The following ATP2C2 variants were observed in gnomAD, a reference collection of about 807,000 sequenced individuals.
ATP2C2 encodes calcium-transporting ATPase type 2C member 2.
Under a neutral mutation model 110.8 loss-of-function variants are expected in ATP2C2, and 171 were observed. The observed-to-expected ratio is 1.54, with a 90% CI of 1.36 to 1.75. The LOEUF (loss-of-function observed/expected upper bound fraction) is 1.75. Ranked by LOEUF, ATP2C2 falls within the 40% of genes most tolerant of loss-of-function variation. ATP2C2 has a pLI of 0.00. For missense variants in ATP2C2, 1,963 were observed against 1,235.0 expected (o/e 1.59, Z -8.84); for synonymous variants, 804 against 508.4 (o/e 1.58, Z -7.82).
At chr16:84,441,171 G>GC (rs1361611031) in intron 14 of ATP2C2, among the ~76,000 whole-genome samples, 1 of 152,200 alleles carries the variant, frequency 6.6e-6, no homozygotes, top group Non-Finnish European at 1.5e-5. Context: ...AGTGGCTAAT[G>GC]CCCGTTATCC....
intron 7 of ATP2C2, among the ~76,000 whole-genome samples, chr16:84,416,823 C>T (rs1246401971): frequency 1.3e-5 from 2 of 152,148 alleles, no homozygotes; most frequent in African/African-American, 2.4e-5. Context: ...TGCATGGATC[C>T]GGTCAGAGGA....
intron 1 of ATP2C2, among the ~76,000 whole-genome samples, chr16:84,390,302 G>C (rs991066554): frequency 6.6e-6 from 1 of 152,220 alleles, no homozygotes; most frequent in South Asian, 2.1e-4. Flanking sequence ...CCTTGCTCTG[G>C]AGTGAGCTCA....
chr16:84,394,017 AAT>A (rs1491004907), intron 1 of ATP2C2, among the ~76,000 whole-genome samples: 43 of 150,074 alleles, frequency 2.9e-4, no homozygotes, highest in African/African-American at 9.6e-4. Flanking sequence ...AAAATAAAAA[AAT>A]AAAAAATAAA....
At chr16:84,461,477 C>T in intron 24 of ATP2C2, 1 of 590,574 alleles carries the variant, frequency 1.7e-6, no homozygotes, top group Non-Finnish European at 3.0e-6. Context: ...GGTGTTTCCT[C>T]CACCCATAGG....
chr16:84,432,321 G>A (rs1371704620), intron 11 of ATP2C2, among the ~76,000 whole-genome samples: 3 of 152,028 alleles, frequency 2.0e-5, no homozygotes, highest in Non-Finnish European at 4.4e-5. Flanking sequence ...AGAATGTGCA[G>A]GTTTGTTACA....
At chr16:84,404,809 CTTTTTTTTTTT>C (rs35653774) in intron 2 of ATP2C2, 2 of 275,146 alleles carry the variant, frequency 7.3e-6, no homozygotes, top group South Asian at 6.0e-5. Context: ...TTCCCAAGAC[CTTTTTTTTTTT>C]TTTTTTTTTA....
Position 84,454,998 on chromosome 16 carries a change from C to A in ATP2C2, c.2147+14C>A. ...CTCAGCCATCATGTAAGCTGCCCTT[C>A]TGGTTGTTTTTCAGTTGCAAAAATG... On this transcript the variant is annotated intron_variant, in intron 21 of 26. Coordinates refer to ENST00000262429, the MANE Select transcript of ATP2C2 (RefSeq NM_014861.4). 6.2e-7 allele frequency: 1 copy of A among 1,603,224 alleles called. No homozygotes were observed. Among genetic ancestry groups the A allele is most frequent in the Non-Finnish European group, 8.5e-7 (1 of 1,174,902 alleles).
At chr16:84,434,247 C>T (rs1251488114) in intron 11 of ATP2C2, among the ~76,000 whole-genome samples, 1 of 150,868 alleles carries the variant, frequency 6.6e-6, no homozygotes, top group East Asian at 2.1e-4. Flanking sequence ...GAAACCCCGT[C>T]TCTACTAAAA....
Position 84,442,556 on chromosome 16 carries a change from T to G in ATP2C2, c.1358T>G (p.Met453Arg). ...NNAVIRKNAV[M>R]GQPTEGALMA... The stretch of plus-strand genomic sequence containing the variant: ...GCGGTCATCAGAAAGAACGCCGTGA[T>G]GGGGCAGCCCACCGAGGGTGCATTG... Residue 453 changes from methionine (M) to arginine (R), a missense_variant, in exon 15 of 27, where the codon ATG becomes AGG. Physicochemically the swap from Met to Arg is moderately conservative, Grantham distance 91. Coordinates refer to ENST00000262429, the MANE Select transcript of ATP2C2 (RefSeq NM_014861.4). 1 of 1,613,934 alleles carries G rather than the reference T, an allele frequency of 6.2e-7. No homozygotes were observed. The highest frequency in any genetic ancestry group is 8.5e-7 in the Non-Finnish European group (1 of 1,179,932).
chr16:84,450,209 G>C (rs1029507522), intron 17 of ATP2C2, among the ~76,000 whole-genome samples: 7 of 152,190 alleles, frequency 4.6e-5, no homozygotes, highest in African/African-American at 1.7e-4. Flanking sequence ...CCTGTGGCTG[G>C]GAAAACTACA....
At chr16:84,389,609 C>G (rs1316673023) in intron 1 of ATP2C2, among the ~76,000 whole-genome samples, 1 of 152,124 alleles carries the variant, frequency 6.6e-6, no homozygotes, top group Non-Finnish European at 1.5e-5. Context: ...TTGGTGTCCT[C>G]TAAGGACGAG....
At chr16:84,377,858 C>T (rs189023583) in intron 1 of ATP2C2, among the ~76,000 whole-genome samples, 1 of 152,196 alleles carries the variant, frequency 6.6e-6, no homozygotes, top group East Asian at 1.9e-4. Flanking sequence ...GAGGCTGCAG[C>T]CCCTCTGGAA....
Position 84,462,093 on chromosome 16 carries a change from C to T in ATP2C2, c.2686C>T (p.Gln896Ter), listed in dbSNP as rs374573227. Residue 896 changes from glutamine to a stop codon, truncating the protein, a stop_gained, in exon 26 of 27, where the codon CAG becomes TAG. Transcript: ENST00000262429. LOFTEE classifies it low-confidence loss of function (END_TRUNC). The part of the protein sequence containing the change: ...QLAVIYIPPL[Q>*]RVFQTENLGA... Reference sequence around the variant, plus strand: ...GGCGGTCATTTACATCCCCCCGCTGCAGAGGGTCTTCCAGACGGAGAACCT... The same window carrying T: ...GGCGGTCATTTACATCCCCCCGCTGTAGAGGGTCTTCCAGACGGAGAACCT... 24 of 1,613,884 alleles carry T rather than the reference C, an allele frequency of 1.5e-5. 1 individual carries two copies. Among genetic ancestry groups the T allele is most frequent in the South Asian group, 2.2e-5 (2 of 91,072 alleles).
At chr16:84,423,418 C>T (rs1814057001) in intron 10 of ATP2C2, among the ~76,000 whole-genome samples, 155 bp downstream of exon 10, 1 of 152,210 alleles carries the variant, frequency 6.6e-6, no homozygotes, top group African/African-American at 2.4e-5. Context: ...CAAGAGCTTT[C>T]TGTATAGTTG....
intron 6 of ATP2C2, among the ~76,000 whole-genome samples, chr16:84,413,748 C>G (rs1264658768): frequency 6.6e-6 from 1 of 152,154 alleles, no homozygotes; most frequent in Admixed American, 6.5e-5. Flanking sequence ...CCCTTTGAGT[C>G]TCTGAGACCC....
At chr16:84,408,115 T>C (rs1316528356) in intron 3 of ATP2C2, among the ~76,000 whole-genome samples, 5 of 152,182 alleles carry the variant, frequency 3.3e-5, no homozygotes, top group African/African-American at 1.2e-4. Flanking sequence ...AGTCCCGGCC[T>C]GGAGCGTCAT....
chr16:84,413,639 T>A (rs1906583321), intron 6 of ATP2C2, among the ~76,000 whole-genome samples: 1 of 152,178 alleles, frequency 6.6e-6, no homozygotes, highest in Non-Finnish European at 1.5e-5. Flanking sequence ...ATTATTGATG[T>A]CTCCCGGGAG....
In ATP2C2 at chr16:84,385,933, G is replaced by T. The variant is rs1904312961; in HGVS notation, c.100-12566G>T. Reference sequence around the variant, plus strand: ...AGAGCCAGGCCATATCAGAGTCCTAGTTGATTAAATATGCTATGATTTGTT... The same window carrying T: ...AGAGCCAGGCCATATCAGAGTCCTATTTGATTAAATATGCTATGATTTGTT... On this transcript the variant is annotated intron_variant, in intron 1 of 26. Transcript: ENST00000262429. 2.0e-5 allele frequency among the ~76,000 whole-genome samples: 3 copies of T among 152,216 alleles called. No homozygotes were observed. The South Asian group carries it at 6.2e-4, about 32-fold the overall frequency.
intron 1 of ATP2C2, among the ~76,000 whole-genome samples, chr16:84,393,782 G>C (rs561896624): frequency 3.8e-4 from 58 of 152,052 alleles, no homozygotes; most frequent in African/African-American, 1.3e-3. Context: ...GACCGACACA[G>C]GTGGGACCCA....
Sources: gnomAD v4.1 joint callset for allele counts (sites outside exome capture counted in the v4.1 genomes callset) on GRCh38, gnomAD v4.1.1 for gene constraint, MANE v1.5 for transcripts, NCBI Gene and HGNC (gene_info 2026-07-23, HGNC 2026-07-21) for gene names.